C1QTNF5: variants seen among roughly 807,000 people sequenced by gnomAD.
C1QTNF5 encodes the protein complement C1q tumor necrosis factor-related protein 5.
A neutral mutation model predicts 10.9 loss-of-function variants in C1QTNF5; 5 were observed. That is an observed-to-expected ratio of 0.46 (90% CI 0.24 to 0.97). The LOEUF is 0.97. C1QTNF5 is among the 50% of genes least tolerant of loss of function. C1QTNF5 has a pLI of 0.19. For synonymous variants in C1QTNF5, 161 were observed against 156.5 expected, an observed-to-expected ratio of 1.03 and a Z score of -0.22; for missense variants, 281 against 339.4, an observed-to-expected ratio of 0.83 and a Z score of 1.35.
upstream of C1QTNF5, chr11:119,344,184 C>G: frequency 1.0e-6 from 1 of 1,001,882 alleles, no homozygotes; most frequent in South Asian, 1.3e-5. Flanking sequence ...ATTCCCCCAT[C>G]CCCCGTCTGC....
At chr11:119,346,609 G>T in the C1QTNF5 span, 1 of 1,257,292 alleles carries the variant, frequency 8.0e-7, no homozygotes, top group Non-Finnish European at 1.2e-6. Flanking sequence ...CAGAGGGGCA[G>T]CCTCTACTAC....
At chr11:119,343,407 C>T (rs980215732), upstream of C1QTNF5, among the ~76,000 whole-genome samples, 8 of 152,174 alleles carry the variant, frequency 5.3e-5, no homozygotes, top group African/African-American at 1.9e-4. Context: ...ATCCCAGCTA[C>T]TTAGGAGGCT....
upstream of C1QTNF5, chr11:119,345,729 T>C (rs1348973714): frequency 6.2e-7 from 1 of 1,612,742 alleles, no homozygotes; most frequent in South Asian, 1.1e-5. Context: ...CCCCACCCCG[T>C]CATCTTGGGC....
chr11:119,339,510 A>AC lies in C1QTNF5; in HGVS notation c.552dup (p.Trp185ValfsTer18), dbSNP rs776247392. On this transcript the variant is annotated frameshift_variant, in exon 3 of 3. Transcript: ENST00000528368. LOFTEE classifies it high-confidence loss of function. The surrounding 1 kb of genome is among the most constrained non-coding windows in gnomAD (Gnocchi z 5.4). ...CCCGAGAGCGAGGCTGGCTTGGGCC[A>AC]CCCCCCGAAAAACTGGAAGAAAGAG... 2 of 1,612,830 alleles carry AC rather than the reference A, an allele frequency of 1.2e-6. No homozygotes were observed. The highest frequency in any genetic ancestry group is 1.7e-4 in the Middle Eastern group (1 of 6,058).
chr11:119,339,581 C>T lies in C1QTNF5; in HGVS notation c.482G>A (p.Arg161Gln), dbSNP rs1304059975. The change falls in exon 3 of 3, where the codon CGG becomes CAG. Residue 161 changes from arginine (R) to glutamine (Q), a missense_variant. Transcript: ENST00000528368. This position sits in a 1 kb window ranked among gnomAD's most constrained non-coding sequence, Gnocchi z 5.4. ...YYFAVHATVY[R>Q]ASLQFDLVKN... ...CACCAGATCAAACTGCAGGCTGGCC[C>T]GGTAGACGGTGGCATGGACGGCGAA... The T allele has an allele frequency of 1.2e-6, 2 of 1,613,308 alleles. No individual in the cohort carries two copies. The highest frequency in any genetic ancestry group is 1.3e-5 in the African/African-American group (1 of 74,928).
At chr11:119,342,070 G>A, upstream of C1QTNF5, 1 of 1,543,912 alleles carries the variant, frequency 6.5e-7, no homozygotes, top group Non-Finnish European at 8.8e-7. Context: ...TCGGTCCTGT[G>A]TGTACATGGG....
chr11:119,341,813 T>C, upstream of C1QTNF5: 1 of 1,613,420 alleles, frequency 6.2e-7, no homozygotes, highest in Non-Finnish European at 8.5e-7. Flanking sequence ...GCTCCCAGGC[T>C]CCTCCCCTCC....
intron 1 of C1QTNF5, 78 bp downstream of exon 1, chr11:119,340,613 GCCCT>G: frequency 1.8e-6 from 1 of 561,550 alleles, no homozygotes; most frequent in East Asian, 3.3e-5. Flanking sequence ...GGAGCGGCCA[GCCCT>G]CCCTCCCACC....
chr11:119,340,275 A>G lies in C1QTNF5; in HGVS notation c.123T>C (p.His41=), dbSNP rs901710460. 2.0e-6 allele frequency: 3 copies of G among 1,528,338 alleles called. No homozygotes were observed. Among genetic ancestry groups the G allele is most frequent in the African/African-American group, 2.9e-5 (2 of 69,902 alleles). The allele number at this position is 1,528,338 out of a possible 1,614,324, so 94.7% of individuals were successfully genotyped here. Residue 41 remains histidine, a synonymous_variant, in exon 2 of 3, where the codon CAT becomes CAC. Transcript: ENST00000528368. ...HPGLPGTPGH[H]GSQGLPGRDG... ...CGCGGCCCGGCAAGCCCTGGCTGCC[A>G]TGGTGGCCCGGCGTGCCTGGAAGGC...
In C1QTNF5 at chr11:119,339,878, A is replaced by G. The variant is rs1950482567; in HGVS notation, c.215-30T>C. The G allele has an allele frequency of 2.8e-6, 4 of 1,442,658 alleles. No individual in the cohort carries two copies. The highest frequency in any genetic ancestry group is 3.6e-6 in the Non-Finnish European group (4 of 1,105,394). The allele number at this position is 1,442,658 out of a possible 1,614,324, so 89.4% of individuals were successfully genotyped here. ...GGGGTAAGCGGGGCGGCAGGGTGAG[A>G]GTAGCGGCGGCTCAGCCCGCAGCGG... On this transcript the variant is annotated intron_variant, in intron 2 of 2. Coordinates refer to ENST00000528368, the MANE Select transcript of C1QTNF5 (RefSeq NM_001278431.2). The surrounding 1 kb of genome is among the most constrained non-coding windows in gnomAD (Gnocchi z 5.4).
the C1QTNF5 span, chr11:119,346,606 G>A: frequency 7.7e-7 from 1 of 1,291,656 alleles, no homozygotes; most frequent in South Asian, 1.2e-5. Context: ...TGTCAGAGGG[G>A]CAGCCTCTAC....
At chr11:119,344,191 C>T (rs991766822), upstream of C1QTNF5, 3 of 1,047,812 alleles carry the variant, frequency 2.9e-6, no homozygotes, top group Non-Finnish European at 4.5e-6. Context: ...CATCCCCCGT[C>T]TGCTTGATCT....
chr11:119,341,184 C>G (rs571257486), upstream of C1QTNF5: 1 of 302,952 alleles, frequency 3.3e-6, no homozygotes, highest in African/African-American at 2.1e-5. Flanking sequence ...GGACAGGGGC[C>G]TGCCACATGA....
chr11:119,342,739 AG>A (rs1268775381), upstream of C1QTNF5: 1 of 1,613,496 alleles, frequency 6.2e-7, no homozygotes, highest in Admixed American at 1.7e-5. Flanking sequence ...TGCAGGCACA[AG>A]GGGCATGGCA....
At chr11:119,341,969 G>A, upstream of C1QTNF5, 1 of 1,613,812 alleles carries the variant, frequency 6.2e-7, no homozygotes, top group Non-Finnish European at 8.5e-7. Flanking sequence ...CACCTGGACA[G>A]GCTCACAGGC....
chr11:119,339,225 A>T lies in C1QTNF5; in HGVS notation c.*106T>A. 7.8e-7 allele frequency: 1 copy of T among 1,278,444 alleles called. No individual in the cohort carries two copies. The highest frequency in any genetic ancestry group is 1.1e-6 in the Non-Finnish European group (1 of 919,060). 79.2% of individuals were successfully genotyped at this position (1,278,444 alleles called of 1,614,324 possible). On this transcript the variant is annotated 3_prime_UTR_variant, in exon 3 of 3. Coordinates refer to ENST00000528368, the MANE Select transcript of C1QTNF5 (RefSeq NM_001278431.2). This position sits in a 1 kb window ranked among gnomAD's most constrained non-coding sequence, Gnocchi z 5.4. ...GGAGAGTGCTCTACCCCACCTCCCTAGTCATTCACAATATTCCAGGGGGGC... is the reference window on the plus strand; with the variant it reads ...GGAGAGTGCTCTACCCCACCTCCCTTGTCATTCACAATATTCCAGGGGGGC...
upstream of C1QTNF5, chr11:119,343,748 G>A (rs1192315807): frequency 6.3e-6 from 10 of 1,593,152 alleles, no homozygotes; most frequent in Admixed American, 1.7e-5. Flanking sequence ...GTGCTGGGCC[G>A]ACATGGAAGC....
chr11:119,345,654 G>T, upstream of C1QTNF5: 1 of 1,613,258 alleles, frequency 6.2e-7, no homozygotes, highest in Middle Eastern at 1.6e-4. Flanking sequence ...GGAGGTTAGA[G>T]TTCAGAGGTC....
At chr11:119,344,544 C>A, upstream of C1QTNF5, 1 of 1,606,672 alleles carries the variant, frequency 6.2e-7, no homozygotes, top group East Asian at 2.2e-5. Context: ...TGACGGAGGG[C>A]CCGGTTTGAG....
Sources: gnomAD v4.1 joint callset for allele counts (sites outside exome capture counted in the v4.1 genomes callset) on GRCh38, gnomAD v4.1.1 for gene constraint, Gnocchi (gnomAD v3.1) non-coding constraint, MANE v1.5 for transcripts, NCBI Gene and HGNC (gene_info 2026-07-23, HGNC 2026-07-21) for gene names.